NFX1: variants seen among roughly 807,000 people sequenced by gnomAD.
NFX1 encodes the protein transcriptional repressor NF-X1.
In NFX1, 69 loss-of-function variants were observed where a neutral mutation model predicts 137.2. The ratio of observed to expected loss-of-function variants is 0.50; its 90% CI spans 0.41 to 0.61. The LOEUF (loss-of-function observed/expected upper bound fraction) is 0.61, where lower values mean the gene tolerates loss of function less well. NFX1 is among the 20% of genes least tolerant of loss of function. The pLI is 0.00. For missense variants in NFX1, 1,167 were observed against 1,391.0 expected (o/e 0.84, Z 2.56); for synonymous variants, 495 against 474.1 (o/e 1.04, Z -0.57).
At chr9:33,357,291 G>C (rs1227939383) in intron 19 of NFX1, among the ~76,000 whole-genome samples, 1 of 151,944 alleles carries the variant, frequency 6.6e-6, no homozygotes, top group Middle Eastern at 3.2e-3. Context: ...GACAGTGGGA[G>C]ACTCCGCATC....
intron 9 of NFX1, among the ~76,000 whole-genome samples, chr9:33,325,798 A>T (rs1442621940): frequency 6.6e-6 from 1 of 152,242 alleles, no homozygotes; most frequent in Non-Finnish European, 1.5e-5. Context: ...ACTAAAAGAA[A>T]TTCTTCAGGC....
At chr9:33,365,255 C>G (rs1384827917) in intron 21 of NFX1, 2 of 154,778 alleles carry the variant, frequency 1.3e-5, no homozygotes, top group Non-Finnish European at 2.9e-5. Flanking sequence ...GCCTGGGCAA[C>G]AAGAGTGAAA....
intron 22 of NFX1, 54 bp downstream of exon 22, chr9:33,366,828 C>G: frequency 6.3e-7 from 1 of 1,580,224 alleles, no homozygotes; most frequent in South Asian, 1.1e-5. Flanking sequence ...AAACTGGACC[C>G]AAGAAGCAGG....
chr9:33,359,451 TAGCCGGGCATGGTGGC>T (rs946823340), intron 19 of NFX1, among the ~76,000 whole-genome samples: 2 of 152,058 alleles, frequency 1.3e-5, no homozygotes, highest in Admixed American at 6.6e-5. Flanking sequence ...ATACAAAAAT[TAGCCGGGCATGGTGGC>T]AGACGCCTGT....
At chr9:33,303,419 A>G (rs1821644312) in intron 4 of NFX1, 151 bp downstream of exon 4, 5 of 663,436 alleles carry the variant, frequency 7.5e-6, no homozygotes, top group Non-Finnish European at 1.3e-5. Context: ...GGTCCATCAC[A>G]CAGCTAGAGC....
At chr9:33,344,021 A>C (rs1307144401) in intron 13 of NFX1, 48 bp from the exon 14 acceptor site, 1 of 1,612,256 alleles carries the variant, frequency 6.2e-7, no homozygotes, top group Admixed American at 1.7e-5. Context: ...GTACTTGCAC[A>C]TCCCAAACTC....
At chr9:33,304,204 A>G (rs563388344) in intron 4 of NFX1, among the ~76,000 whole-genome samples, 1 of 152,158 alleles carries the variant, frequency 6.6e-6, no homozygotes, top group East Asian at 1.9e-4. Flanking sequence ...AGAGGTTGCA[A>G]TGATCCAAGA....
Position 33,354,876 on chromosome 9 carries a change from G to T in NFX1, c.2857G>T (p.Ala953Ser), listed in dbSNP as rs1823760262. ...ARLECDEECS[A>S]LERKKRLAEA... ...GCTGGAGTGTGATGAGGAGTGTTCA[G>T]CCTTGGAAAGGAAAAAGTAAGTAGT... The change falls in exon 19 of 24, where the codon GCC (alanine) becomes TCC (serine). Residue 953 changes from alanine (A) to serine (S), a missense_variant. This residue lies in a region of NFX1 where 312 missense variants were observed against 312.8 expected (regional missense o/e 1.00). Coordinates refer to ENST00000379540, the MANE Select transcript of NFX1 (RefSeq NM_002504.6). The T allele has an allele frequency of 6.2e-7, 1 of 1,613,886 alleles. No homozygotes were observed.
intron 5 of NFX1, among the ~76,000 whole-genome samples, chr9:33,310,032 A>G (rs1821908935): frequency 6.6e-6 from 1 of 152,384 alleles, no homozygotes; most frequent in Middle Eastern, 3.4e-3. Flanking sequence ...TTAAAGAAAC[A>G]TGCTTAAACT....
chr9:33,294,398 A>G, intron 1 of NFX1, 22 bp from the exon 2 acceptor site: 1 of 1,527,042 alleles, frequency 6.5e-7, no homozygotes. Flanking sequence ...CTTTACTGGC[A>G]TGTCTATTTT....
In NFX1 at chr9:33,371,054, C is replaced by A. The variant is rs890651112; in HGVS notation, c.*1076C>A. 4.6e-5 allele frequency: 7 copies of A among 152,228 alleles called. No homozygotes were observed. Among genetic ancestry groups the A allele is most frequent in the African/African-American group, 1.7e-4 (7 of 41,452 alleles). The allele number at this position is 152,228 out of a possible 1,614,324, so 9.4% of individuals were successfully genotyped here. A position where few individuals can be genotyped will look rare whatever the true frequency, so the allele number is the denominator to read the frequency against. On this transcript the variant is annotated 3_prime_UTR_variant, in exon 24 of 24. Coordinates refer to ENST00000379540, the MANE Select transcript of NFX1 (RefSeq NM_002504.6). Reference sequence around the variant, plus strand: ...CTGGAGGCCAGGCTTCCAGCAACTTCCTTCTGCCCTAGAGCAAGCCATGAG... The same window carrying A: ...CTGGAGGCCAGGCTTCCAGCAACTTACTTCTGCCCTAGAGCAAGCCATGAG...
At chr9:33,353,214 G>A (rs675469) in intron 17 of NFX1, among the ~76,000 whole-genome samples, 104,841 of 152,032 alleles carry the variant, frequency 0.69, 37,259 homozygotes, top group Non-Finnish European at 0.77. Context: ...TACATTGTGA[G>A]ATAAGAAGGG....
intron 3 of NFX1, 58 bp downstream of exon 3, chr9:33,301,479 T>C: frequency 6.5e-7 from 1 of 1,529,218 alleles, no homozygotes; most frequent in Non-Finnish European, 8.8e-7. Flanking sequence ...GTTTAAGTAT[T>C]ATTAAGCCCA....
At chr9:33,323,102 C>G (rs1311101248) in intron 9 of NFX1, among the ~76,000 whole-genome samples, 3 of 152,128 alleles carry the variant, frequency 2.0e-5, no homozygotes, top group Non-Finnish European at 4.4e-5. Context: ...ACAGAGAGAT[C>G]GGGAATCAAG....
chr9:33,294,475 T>A lies in NFX1; in HGVS notation c.81T>A (p.Asn27Lys), dbSNP rs775981113. 1.2e-6 allele frequency: 2 copies of A among 1,604,544 alleles called. No homozygotes were observed. Among genetic ancestry groups the A allele is most frequent in the Non-Finnish European group, 8.5e-7 (1 of 1,177,030 alleles). The change falls in exon 2 of 24, where the codon AAT becomes AAA. Residue 27 changes from asparagine to lysine, a missense_variant. Asn to Lys is a moderately conservative substitution (Grantham distance 94, BLOSUM62 0). Coordinates refer to ENST00000379540, the MANE Select transcript of NFX1 (RefSeq NM_002504.6). ...AAEFIPQEKK[N>K]SGLNCGTQRR... is the part of the protein sequence containing the mutation. ...AATTCATTCCTCAGGAGAAAAAAAA[T>A]TCTGGTCTAAATTGTGGGACTCAAA...
intron 7 of NFX1, among the ~76,000 whole-genome samples, chr9:33,314,872 C>T (rs1307103510): frequency 1.3e-5 from 2 of 151,852 alleles, no homozygotes; most frequent in East Asian, 1.9e-4. Flanking sequence ...AAAAGATATC[C>T]GAAACCAATC....
At chr9:33,335,511 T>C (rs562002452) in intron 11 of NFX1, among the ~76,000 whole-genome samples, 29 of 151,968 alleles carry the variant, frequency 1.9e-4, no homozygotes, top group Admixed American at 4.6e-4. Flanking sequence ...GGGATTACAG[T>C]CATGAGCCAC....
intron 7 of NFX1, among the ~76,000 whole-genome samples, chr9:33,316,625 G>C (rs896856977): frequency 3.0e-4 from 46 of 152,068 alleles, no homozygotes; most frequent in Non-Finnish European, 6.2e-4. Context: ...TTATCTTCTT[G>C]AATTATAATC....
intron 9 of NFX1, among the ~76,000 whole-genome samples, chr9:33,323,818 A>G (rs148400878): frequency 1.1e-3 from 168 of 152,250 alleles, no homozygotes; most frequent in African/African-American, 3.9e-3. Context: ...GGGAAACCAT[A>G]CTTAAAGAGG....
Sources: allele counts gnomAD v4.1 joint callset (sites outside exome capture counted in the v4.1 genomes callset), GRCh38; gene constraint gnomAD v4.1.1; regional missense constraint gnomAD v4.1.1; transcripts MANE v1.5; gene names NCBI Gene and HGNC (gene_info 2026-07-23, HGNC 2026-07-21).